ZIC4: variants seen among roughly 807,000 people sequenced by gnomAD.
ZIC4 encodes zinc finger protein ZIC 4.
In ZIC4, 15 loss-of-function variants were observed where a neutral mutation model predicts 28.8. That is an observed-to-expected ratio of 0.52 (90% CI 0.35 to 0.80). ZIC4 has a LOEUF of 0.80. Ranked by LOEUF, ZIC4 falls within the 30% of genes least tolerant of loss-of-function variation. The pLI is 0.01. For missense variants in ZIC4, 512 were observed against 467.1 expected, an observed-to-expected ratio of 1.10 and a Z score of -0.89; for synonymous variants, 220 against 198.1, an observed-to-expected ratio of 1.11 and a Z score of -0.93.
At chr3:147,391,350 A>G in intron 3 of ZIC4, 104 bp from the exon 4 acceptor site, 1 of 1,363,544 alleles carries the variant, frequency 7.3e-7, no homozygotes, top group Non-Finnish European at 9.8e-7. Context: ...AAGAACTACA[A>G]AATATTTTCA....
At position 147,391,256 on chromosome 3, in the gene ZIC4, G is replaced by C; in HGVS notation, c.689-10C>G. 1 of 1,569,346 alleles carries C rather than the reference G, an allele frequency of 6.4e-7. No individual in the cohort carries two copies. The highest frequency in any genetic ancestry group is 8.7e-7 in the Non-Finnish European group (1 of 1,151,730). On this transcript the variant is annotated splice_polypyrimidine_tract_variant and intron_variant, in intron 3 of 4. Transcript: ENST00000383075. The stretch of plus-strand genomic sequence containing the variant: ...CTGAAGGGCTTCTCGCCTGGCGGAG[G>C]CAACGCAGAGACATTAGTGCTTGTG...
rs563376019 is a variant in ZIC4, at chr3:147,391,141, G to T, written c.794C>A (p.Thr265Lys). The T allele has an allele frequency of 4.3e-6, 7 of 1,613,846 alleles. No homozygotes were observed. In the East Asian group the frequency reaches 1.3e-4, roughly 31 times the overall value. Reference sequence around the variant, plus strand: ...CTTGTCGCAGCCCCGCACCTTGCACGTGTATGGCTTGTCGCTAGTGTGCAC... The same window carrying T: ...CTTGTCGCAGCCCCGCACCTTGCACTTGTATGGCTTGTCGCTAGTGTGCAC... ...SHVHTSDKPY[T>K]CKVRGCDKCY... Residue 265 changes from threonine (T) to lysine (K), a missense_variant, in exon 4 of 5, where the codon ACG becomes AAG. Coordinates refer to ENST00000383075, the MANE Select transcript of ZIC4 (RefSeq NM_032153.6).
chr3:147,394,766 T>C (rs1316489378), intron 3 of ZIC4, among the ~76,000 whole-genome samples: 1 of 152,198 alleles, frequency 6.6e-6, no homozygotes, highest in Non-Finnish European at 1.5e-5. Flanking sequence ...CATGTGCCAG[T>C]GTCCGGGCCA....
intron 2 of ZIC4, among the ~76,000 whole-genome samples, chr3:147,398,601 G>A (rs1250541619): frequency 6.6e-6 from 1 of 152,184 alleles, no homozygotes; most frequent in Non-Finnish European, 1.5e-5. Context: ...TTAAAGGGCT[G>A]CTGGCCGGGA....
intron 3 of ZIC4, among the ~76,000 whole-genome samples, chr3:147,394,417 T>A (rs538253465): frequency 6.6e-6 from 1 of 150,876 alleles, no homozygotes; most frequent in East Asian, 1.9e-4. Context: ...ATTTTCTGCT[T>A]CACAGAATTC....
chr3:147,402,845 T>A, intron 1 of ZIC4, 33 bp from the exon 2 acceptor site: 1 of 1,582,546 alleles, frequency 6.3e-7, no homozygotes, highest in South Asian at 1.1e-5. Flanking sequence ...CAGTCACTAG[T>A]TAAACAATTT....
At chr3:147,393,855 G>A (rs1000337144) in intron 3 of ZIC4, 36 of 456,318 alleles carry the variant, frequency 7.9e-5, no homozygotes, top group Non-Finnish European at 1.4e-4. Context: ...CCTCCCCGAG[G>A]CACCATTGTT....
chr3:147,395,751 A>G, intron 3 of ZIC4, 101 bp downstream of exon 3: 2 of 1,509,180 alleles, frequency 1.3e-6, no homozygotes, highest in African/African-American at 2.8e-5. Flanking sequence ...AACAACCCCA[A>G]AATATTTCCC....
At chr3:147,391,494 G>A (rs2107965956) in intron 3 of ZIC4, 1 of 409,832 alleles carries the variant, frequency 2.4e-6, no homozygotes, top group African/African-American at 2.0e-5. Flanking sequence ...TATGGAGGAG[G>A]AGCGACAGTG....
At chr3:147,405,874 C>T (rs1346286548) in intron 1 of ZIC4, 2 of 238,554 alleles carry the variant, frequency 8.4e-6, no homozygotes, top group South Asian at 5.3e-5. Context: ...CAGAGACTCT[C>T]CTAGCCACCC....
intron 1 of ZIC4, chr3:147,405,288 G>A: frequency 7.7e-7 from 1 of 1,296,230 alleles, no homozygotes; most frequent in Non-Finnish European, 1.0e-6. Context: ...ACCTGCAGGC[G>A]GCTGAGACAG....
At chr3:147,389,877 C>A (rs1260649942) in intron 4 of ZIC4, among the ~76,000 whole-genome samples, 1 of 152,162 alleles carries the variant, frequency 6.6e-6, no homozygotes, top group Non-Finnish European at 1.5e-5. Context: ...TAGGTCAGGT[C>A]TCTCCACTTT....
intron 3 of ZIC4, chr3:147,393,708 C>G (rs1258274853): frequency 3.2e-6 from 1 of 308,674 alleles, no homozygotes; most frequent in Non-Finnish European, 6.4e-6. Flanking sequence ...CTCTTTTCCT[C>G]TACCTCGGAT....
intron 3 of ZIC4, among the ~76,000 whole-genome samples, chr3:147,393,209 A>C (rs984805949): frequency 9.2e-5 from 14 of 151,682 alleles, no homozygotes; most frequent in African/African-American, 2.9e-4. Flanking sequence ...CACGTAAAAC[A>C]AAAACAATTA....
At chr3:147,391,794 A>G (rs774232241) in intron 3 of ZIC4, 40 of 279,298 alleles carry the variant, frequency 1.4e-4, no homozygotes, top group Non-Finnish European at 1.8e-4. Context: ...CGATGAAATA[A>G]TTTAAGGATG....
At position 147,402,762 on chromosome 3, in the gene ZIC4, T is replaced by G. The variant is rs374140522; in HGVS notation, c.36A>C (p.Arg12=). 20 of 1,613,992 alleles carry G rather than the reference T, an allele frequency of 1.2e-5. No individual in the cohort carries two copies. The highest frequency in any genetic ancestry group is 1.6e-5 in the Non-Finnish European group (19 of 1,179,950). The change falls in exon 2 of 5, where the codon CGA becomes CGC. Residue 12 remains arginine, a synonymous_variant. Coordinates refer to ENST00000383075, the MANE Select transcript of ZIC4 (RefSeq NM_032153.6). ...RYKTSLVMRK[R]LRLYRNTLKE... Reference sequence around the variant, plus strand: ...TAAGAGTGTTTCGGTAAAGCCGTAATCGTTTCCTCATCACCAAGGATGTCT... The same window carrying G: ...TAAGAGTGTTTCGGTAAAGCCGTAAGCGTTTCCTCATCACCAAGGATGTCT...
chr3:147,391,152 G>T lies in ZIC4; in HGVS notation c.783C>A (p.Asp261Glu), dbSNP rs759438364. Residue 261 changes from aspartate to glutamate, a missense_variant, in exon 4 of 5, where the codon GAC becomes GAA. Asp to Glu is a conservative substitution (Grantham distance 45, BLOSUM62 2). Transcript: ENST00000383075. ...RKKHSHVHTS[D>E]KPYTCKVRGC... The stretch of plus-strand genomic sequence containing the variant: ...CCCGCACCTTGCACGTGTATGGCTT[G>T]TCGCTAGTGTGCACGTGCGAATGCT... The T allele has an allele frequency of 6.2e-7, 1 of 1,613,336 alleles. No individual in the cohort carries two copies. The highest frequency in any genetic ancestry group is 8.5e-7 in the Non-Finnish European group (1 of 1,179,354).
At chr3:147,392,808 C>G (rs2086954917) in intron 3 of ZIC4, 1 of 152,248 alleles carries the variant, frequency 6.6e-6, no homozygotes, top group South Asian at 2.1e-4. Flanking sequence ...ACCACCTGGT[C>G]GCTGGATTCC....
intron 3 of ZIC4, chr3:147,392,491 C>T (rs1559960191): frequency 1.0e-6 from 1 of 967,476 alleles, no homozygotes; most frequent in Non-Finnish European, 1.2e-6. Context: ...AGATTCCTGC[C>T]GGAGCTGCAA....
Sources: gnomAD v4.1 joint callset for allele counts (sites outside exome capture counted in the v4.1 genomes callset) on GRCh38, gnomAD v4.1.1 for gene constraint, MANE v1.5 for transcripts, NCBI Gene and HGNC (gene_info 2026-07-23, HGNC 2026-07-21) for gene names.